COPG2: variants seen among roughly 807,000 people sequenced by gnomAD.
The protein encoded by COPG2 is coat protein complex I subunit gamma 2.
COPG2 carries 37 observed loss-of-function variants against 46.3 expected under a neutral mutation model. That is an observed-to-expected ratio of 0.80 (90% CI 0.61 to 1.05). The LOEUF (loss-of-function observed/expected upper bound fraction) is 1.05, where lower values mean the gene tolerates loss of function less well. COPG2 is among the 50% of genes least tolerant of loss of function. The pLI is 0.00. For synonymous variants in COPG2, 159 were observed against 129.7 expected (o/e 1.23, Z -1.53); for missense variants, 427 against 387.8 (o/e 1.10, Z -0.85).
At chr7:130,538,336 GA>G (rs1158482412) in intron 20 of COPG2, among the ~76,000 whole-genome samples, 1 of 152,132 alleles carries the variant, frequency 6.6e-6, no homozygotes, top group Admixed American at 6.5e-5. Context: ...GATGGGAAAA[GA>G]AAGAGATTTG....
chr7:130,555,737 T>C (rs1793610917), intron 12 of COPG2, among the ~76,000 whole-genome samples: 2 of 151,896 alleles, frequency 1.3e-5, no homozygotes, highest in Non-Finnish European at 2.9e-5. Flanking sequence ...GCCTGAGACA[T>C]GAGAATTGGT....
intron 9 of COPG2, among the ~76,000 whole-genome samples, chr7:130,585,051 A>T (rs1794237417): frequency 6.6e-6 from 1 of 152,046 alleles, no homozygotes; most frequent in Non-Finnish European, 1.5e-5. Flanking sequence ...GCATCACATT[A>T]CCTGATTTCA....
chr7:130,552,071 G>A (rs1201161452), intron 15 of COPG2, among the ~76,000 whole-genome samples: 3 of 152,160 alleles, frequency 2.0e-5, no homozygotes, highest in African/African-American at 7.2e-5. Flanking sequence ...GGGCTGGGAA[G>A]AGAAGCTCTA....
intron 9 of COPG2, among the ~76,000 whole-genome samples, chr7:130,588,988 T>C (rs1007647886): frequency 1.3e-5 from 2 of 152,196 alleles, no homozygotes; most frequent in Non-Finnish European, 2.9e-5. Context: ...AGTGTGTAGT[T>C]TTTTCTTTTA....
intron 4 of COPG2, among the ~76,000 whole-genome samples, chr7:130,662,206 G>A (rs1259333842): frequency 7.2e-5 from 11 of 152,062 alleles, no homozygotes; most frequent in African/African-American, 2.7e-4. Context: ...CTGCCTTACA[G>A]GGGACTGCTG....
At chr7:130,540,550 C>G (rs1230992852) in intron 20 of COPG2, among the ~76,000 whole-genome samples, 1 of 151,994 alleles carries the variant, frequency 6.6e-6, no homozygotes, top group African/African-American at 2.4e-5. Context: ...GAACAAGTTT[C>G]CAATGCAGAC....
chr7:130,579,960 C>A (rs1420696859), intron 9 of COPG2, among the ~76,000 whole-genome samples: 1 of 151,396 alleles, frequency 6.6e-6, no homozygotes, highest in South Asian at 2.1e-4. Flanking sequence ...AACAAGGATA[C>A]CCAGGAATTG....
At chr7:130,617,099 A>G in intron 5 of COPG2, 34 bp from the exon 6 acceptor site, 1 of 1,419,724 alleles carries the variant, frequency 7.0e-7, no homozygotes, top group Non-Finnish European at 9.9e-7. Flanking sequence ...CATAAGATCA[A>G]TTAAAATCTC....
intron 20 of COPG2, among the ~76,000 whole-genome samples, chr7:130,522,655 G>A (rs1458337653): frequency 4.6e-5 from 7 of 151,986 alleles, no homozygotes; most frequent in African/African-American, 9.7e-5. Flanking sequence ...AAGGAAATGT[G>A]CAGAAGAAAA....
intron 20 of COPG2, among the ~76,000 whole-genome samples, chr7:130,532,693 G>A (rs1352493935): frequency 6.6e-6 from 1 of 152,156 alleles, no homozygotes; most frequent in Non-Finnish European, 1.5e-5. Context: ...AGAAGGGTGT[G>A]AAAGGTATCG....
intron 5 of COPG2, among the ~76,000 whole-genome samples, chr7:130,639,445 A>C (rs1307542044): frequency 6.6e-6 from 1 of 152,148 alleles, no homozygotes; most frequent in Non-Finnish European, 1.5e-5. Context: ...TTTTCCAATC[A>C]ACAGATACCA....
intron 9 of COPG2, among the ~76,000 whole-genome samples, chr7:130,566,471 A>T (rs1282879984): frequency 6.6e-6 from 1 of 152,202 alleles, no homozygotes; most frequent in East Asian, 1.9e-4. Context: ...CTAAATACGA[A>T]CCCGAAGGAA....
chr7:130,642,568 G>C lies in COPG2; in HGVS notation c.323+10301C>G, dbSNP rs1400715267. Among the ~76,000 whole-genome samples the C allele has an allele frequency of 4.6e-5, 7 of 152,130 alleles. No individual in the cohort carries two copies. In the East Asian group the frequency reaches 1.3e-3, roughly 29 times the overall value. The stretch of plus-strand genomic sequence containing the variant: ...TAGAAGTTTATCCATGTTGTTGCCT[G>C]AATCAGCAATTTTTTCCTTTTATTG... On this transcript the variant is annotated intron_variant, in intron 5 of 23. Transcript: ENST00000425248.
intron 9 of COPG2, among the ~76,000 whole-genome samples, chr7:130,592,100 A>AC (rs1338850634): frequency 6.6e-6 from 1 of 152,042 alleles, no homozygotes; most frequent in Non-Finnish European, 1.5e-5. Context: ...CTGTGACCTT[A>AC]CCCCCAACCC....
At chr7:130,603,680 C>T (rs1289318620) in intron 9 of COPG2, 1 of 347,622 alleles carries the variant, frequency 2.9e-6, no homozygotes, top group Non-Finnish European at 5.4e-6. Context: ...AAGATGGCAC[C>T]ATTACACTCT....
At chr7:130,595,662 A>G (rs1293686429) in intron 9 of COPG2, among the ~76,000 whole-genome samples, 2 of 152,036 alleles carry the variant, frequency 1.3e-5, no homozygotes, top group Non-Finnish European at 2.9e-5. Context: ...GTACCCCCAC[A>G]CTCCCTTGAG....
chr7:130,530,859 G>A (rs1022325676), intron 20 of COPG2, among the ~76,000 whole-genome samples: 1 of 151,932 alleles, frequency 6.6e-6, no homozygotes, highest in African/African-American at 2.4e-5. Context: ...GTGAGGTGAA[G>A]GGGCAGGTCC....
intron 9 of COPG2, among the ~76,000 whole-genome samples, chr7:130,587,739 A>C (rs1444162735): frequency 2.6e-5 from 4 of 152,206 alleles, no homozygotes; most frequent in Admixed American, 6.5e-5. Flanking sequence ...ATGGGCAAGG[A>C]CTTCATGTCT....
At chr7:130,515,966 GA>G (rs1799674761) in intron 20 of COPG2, among the ~76,000 whole-genome samples, 2 of 152,100 alleles carry the variant, frequency 1.3e-5, no homozygotes, top group Non-Finnish European at 2.9e-5. Context: ...CACTGTTCAG[GA>G]AGCTGTGGAT....
Sources: allele counts gnomAD v4.1 joint callset (sites outside exome capture counted in the v4.1 genomes callset), GRCh38; gene constraint gnomAD v4.1.1; transcripts MANE v1.5; gene names NCBI Gene and HGNC (gene_info 2026-07-23, HGNC 2026-07-21).